The following FOXJ3 variants were observed in gnomAD, a reference collection of about 807,000 sequenced individuals.
The protein encoded by FOXJ3 is forkhead box protein J3.
Under a neutral mutation model 76.1 loss-of-function variants are expected in FOXJ3, and 22 were observed. The observed-to-expected ratio is 0.29, with a 90% CI of 0.21 to 0.41. FOXJ3 has a LOEUF of 0.41. Ranked by LOEUF, FOXJ3 falls within the 10% of genes least tolerant of loss-of-function variation. The probability of loss-of-function intolerance (pLI) is 1.00; values close to 1 mark genes in which losing one functional copy is unlikely to be tolerated. For missense variants in FOXJ3, 613 were observed against 762.1 expected, an observed-to-expected ratio of 0.80 and a Z score of 2.30; for synonymous variants, 269 against 261.2, an observed-to-expected ratio of 1.03 and a Z score of -0.29.
chr1:42,191,125 T>C (rs1646532455), intron 9 of FOXJ3, among the ~76,000 whole-genome samples, 178 bp downstream of exon 9: 1 of 152,076 alleles, frequency 6.6e-6, no homozygotes, highest in Non-Finnish European at 1.5e-5. Context: ...CCACAATAAA[T>C]TTTAATCAAG....
intron 2 of FOXJ3, among the ~76,000 whole-genome samples, chr1:42,290,963 T>A (rs764478956): frequency 6.6e-6 from 1 of 151,932 alleles, no homozygotes; most frequent in Non-Finnish European, 1.5e-5. Flanking sequence ...AAAATTCCAA[T>A]GACCAAGTTT....
At chr1:42,241,105 G>C (rs1649102935) in intron 4 of FOXJ3, among the ~76,000 whole-genome samples, 3 of 152,168 alleles carry the variant, frequency 2.0e-5, no homozygotes. Flanking sequence ...GTGGGAAAAG[G>C]ATAAGTGAGT....
chr1:42,282,168 T>C (rs547558248), intron 2 of FOXJ3, among the ~76,000 whole-genome samples: 1 of 152,148 alleles, frequency 6.6e-6, no homozygotes, highest in East Asian at 1.9e-4. Flanking sequence ...AAAAACAGCA[T>C]GGGAGGCTGG....
chr1:42,283,397 T>C (rs1293975432), intron 2 of FOXJ3, among the ~76,000 whole-genome samples: 1 of 152,202 alleles, frequency 6.6e-6, no homozygotes, highest in Non-Finnish European at 1.5e-5. Flanking sequence ...GACACTCATA[T>C]GATCCCATGT....
chr1:42,189,244 C>A, intron 10 of FOXJ3, 59 bp downstream of exon 10: 1 of 1,035,642 alleles, frequency 9.7e-7, no homozygotes, highest in Non-Finnish European at 1.5e-6. Context: ...AAGTTATAAT[C>A]TAGCAGAGAA....
chr1:42,269,291 A>G (rs1432925103), intron 3 of FOXJ3, among the ~76,000 whole-genome samples: 1 of 152,220 alleles, frequency 6.6e-6, no homozygotes, highest in Non-Finnish European at 1.5e-5. Context: ...ACCCAGCTTA[A>G]AAGTTCAAGA....
intron 5 of FOXJ3, among the ~76,000 whole-genome samples, chr1:42,221,409 T>C (rs943636361): frequency 1.3e-5 from 2 of 152,186 alleles, no homozygotes; most frequent in Non-Finnish European, 2.9e-5. Context: ...TATGATTTCT[T>C]GATTATCAAG....
intron 7 of FOXJ3, among the ~76,000 whole-genome samples, chr1:42,197,377 G>A (rs1489755821): frequency 6.6e-6 from 1 of 152,048 alleles, no homozygotes; most frequent in Non-Finnish European, 1.5e-5. Flanking sequence ...GGTCTGATTT[G>A]TGTTTCTTTA....
chr1:42,187,315 G>C (rs918181810), intron 11 of FOXJ3, among the ~76,000 whole-genome samples: 2 of 152,244 alleles, frequency 1.3e-5, no homozygotes, highest in Non-Finnish European at 2.9e-5. Flanking sequence ...GAAATGGTTA[G>C]AGATGGAGTT....
intron 1 of FOXJ3, among the ~76,000 whole-genome samples, chr1:42,334,665 G>A (rs1384920714): frequency 6.6e-6 from 1 of 152,214 alleles, no homozygotes; most frequent in Non-Finnish European, 1.5e-5. Flanking sequence ...GCAGAGTGCC[G>A]GGGTCGGGGG....
chr1:42,298,236 G>A (rs1357823629), intron 2 of FOXJ3, among the ~76,000 whole-genome samples: 4 of 152,312 alleles, frequency 2.6e-5, no homozygotes, highest in South Asian at 4.1e-4. Flanking sequence ...GGAACTGTGA[G>A]TCAACTAAAC....
At chr1:42,192,110 G>A (rs886705319) in intron 8 of FOXJ3, among the ~76,000 whole-genome samples, 11 of 152,182 alleles carry the variant, frequency 7.2e-5, no homozygotes, top group African/African-American at 2.7e-4. Flanking sequence ...AAAGGTGTGG[G>A]GGTCACACTC....
chr1:42,185,252 A>ATTTTTTT (rs36007346), intron 11 of FOXJ3, among the ~76,000 whole-genome samples: 2 of 108,286 alleles, frequency 1.8e-5, no homozygotes, highest in African/African-American at 4.1e-5. Context: ...AACATACTGA[A>ATTTTTTT]TTTTTTTTTT....
intron 5 of FOXJ3, among the ~76,000 whole-genome samples, chr1:42,224,766 T>A (rs959939367): frequency 2.6e-5 from 4 of 152,172 alleles, no homozygotes; most frequent in Admixed American, 1.3e-4. Flanking sequence ...TTGCATTTTT[T>A]AAAATCACTT....
chr1:42,218,698 A>G (rs375865686), intron 5 of FOXJ3, among the ~76,000 whole-genome samples: 11 of 152,220 alleles, frequency 7.2e-5, no homozygotes, highest in African/African-American at 2.4e-4. Context: ...TCATGTCACT[A>G]CTCTATTCAT....
chr1:42,255,882 C>T (rs1440768160), intron 4 of FOXJ3, among the ~76,000 whole-genome samples: 1 of 152,130 alleles, frequency 6.6e-6, no homozygotes, highest in Admixed American at 6.6e-5. Flanking sequence ...ATTAGCCAGG[C>T]ATGGTGGCAC....
At chr1:42,312,543 C>T (rs1163469550) in intron 1 of FOXJ3, among the ~76,000 whole-genome samples, 1 of 152,092 alleles carries the variant, frequency 6.6e-6, no homozygotes, top group Non-Finnish European at 1.5e-5. Flanking sequence ...GGCTCAATCT[C>T]GTAACCACTG....
chr1:42,282,503 A>T (rs1265712450), intron 2 of FOXJ3, among the ~76,000 whole-genome samples: 1 of 152,188 alleles, frequency 6.6e-6, no homozygotes, highest in Non-Finnish European at 1.5e-5. Flanking sequence ...GGCAACTGAC[A>T]TGTTGTTTCA....
chr1:42,310,640 G>A (rs1316502222), intron 2 of FOXJ3, among the ~76,000 whole-genome samples: 1 of 151,234 alleles, frequency 6.6e-6, no homozygotes, highest in Non-Finnish European at 1.5e-5. Context: ...AATAGAGACA[G>A]GGTTTCGCCA....
Sources: allele counts gnomAD v4.1 joint callset (sites outside exome capture counted in the v4.1 genomes callset), GRCh38; gene constraint gnomAD v4.1.1; transcripts MANE v1.5; gene names NCBI Gene and HGNC (gene_info 2026-07-23, HGNC 2026-07-21).